Variants in DMD observed in about 807,000 individuals in gnomAD.
The protein encoded by DMD is mutant dystrophin.
A neutral mutation model predicts 330.1 loss-of-function variants in DMD; 63 were observed. The observed-to-expected ratio is 0.19, with a 90% confidence interval of 0.16 to 0.24. The LOEUF is 0.24. Ranked by LOEUF, DMD falls within the 10% of genes least tolerant of loss-of-function variation. DMD has a pLI of 1.00. For missense variants in DMD, 3,344 were observed against 2,684.1 expected, an observed-to-expected ratio of 1.25 and a Z score of -5.43; for synonymous variants, 1,223 against 959.8, an observed-to-expected ratio of 1.27 and a Z score of -5.07.
intron 41 of DMD, among the ~76,000 whole-genome samples, chrX:32,338,928 T>C (rs1016791934): frequency 8.9e-6 from 1 of 112,081 alleles, no homozygotes; most frequent in African/African-American, 3.2e-5. Context: ...TTTGAAATTT[T>C]CACTGAACGA....
intron 11 of DMD, among the ~76,000 whole-genome samples, chrX:32,639,541 C>A (rs1369894241): frequency 3.6e-5 from 4 of 112,281 alleles, no homozygotes; most frequent in African/African-American, 1.3e-4. Flanking sequence ...TCGGCACGTG[C>A]CAAACTCATT....
intron 44 of DMD, chrX:32,155,560 C>CT (rs1478409283): frequency 2.5e-5 from 9 of 357,133 alleles, no homozygotes; most frequent in Non-Finnish European, 3.2e-5. Flanking sequence ...TGAAACTCTG[C>CT]TGGATCATGG....
At chrX:32,497,369 T>TTACTAC (rs1206560150) in intron 19 of DMD, among the ~76,000 whole-genome samples, 1 of 111,947 alleles carries the variant, frequency 8.9e-6, no homozygotes, top group East Asian at 2.8e-4. Context: ...ATACTAATAA[T>TTACTAC]TACTACTTTT....
intron 1 of DMD, among the ~76,000 whole-genome samples, chrX:33,300,799 A>G (rs960695178): frequency 8.9e-6 from 1 of 111,774 alleles, no homozygotes; most frequent in Non-Finnish European, 1.9e-5. Flanking sequence ...GGACTAAGAC[A>G]CTGATTTGGG....
chrX:32,269,693 A>G (rs2097358478), intron 43 of DMD, among the ~76,000 whole-genome samples: 1 of 112,361 alleles, frequency 8.9e-6, no homozygotes, highest in Non-Finnish European at 1.9e-5. Context: ...TATGAAATGT[A>G]AATCTCTTAA....
intron 1 of DMD, among the ~76,000 whole-genome samples, chrX:33,031,423 G>A (rs2094111590): frequency 9.0e-6 from 1 of 111,094 alleles, no homozygotes; most frequent in African/African-American, 3.3e-5. Flanking sequence ...GCTCTCTGTA[G>A]TGGAATTTGG....
rs139610965 is a variant in DMD at position 32,160,970 on chromosome X, G to C, written c.6438+55946C>G. ...AACAATAAATTCCTACTTATGTGGA[G>C]TCTCTGTCTTTTTAATAATAGTCAG... On this transcript the variant is annotated intron_variant, in intron 44 of 78. Coordinates refer to ENST00000357033, the MANE Select transcript of DMD (RefSeq NM_004006.3). Among the ~76,000 whole-genome samples the C allele has an allele frequency of 7.5e-3, 843 of 111,713 alleles. 23 individuals are homozygous for C. The highest frequency in any genetic ancestry group is 0.071 in the Admixed American group (748 of 10,465).
chrX:33,053,949 T>C (rs2094489464), intron 1 of DMD, among the ~76,000 whole-genome samples: 1 of 111,858 alleles, frequency 8.9e-6, no homozygotes, highest in Admixed American at 9.5e-5. Flanking sequence ...AATTCAGATT[T>C]CACTTTTGGG....
chrX:32,126,403 C>A (rs1278655471), intron 44 of DMD, among the ~76,000 whole-genome samples: 1 of 112,006 alleles, frequency 8.9e-6, no homozygotes, highest in Non-Finnish European at 1.9e-5. Context: ...TTTCACGACA[C>A]AAACACCCAC....
At chrX:32,833,996 C>T (rs760726935) in intron 4 of DMD, among the ~76,000 whole-genome samples, 1 of 110,869 alleles carries the variant, frequency 9.0e-6, no homozygotes, top group Non-Finnish European at 1.9e-5. Context: ...GTTATATTAC[C>T]TTGCAACTGA....
intron 44 of DMD, among the ~76,000 whole-genome samples, chrX:32,182,529 C>T (rs2096930672): frequency 9.0e-6 from 1 of 111,126 alleles, no homozygotes; most frequent in Non-Finnish European, 1.9e-5. Flanking sequence ...CCCCCTCCCC[C>T]CAGGTCTGTG....
intron 45 of DMD, among the ~76,000 whole-genome samples, chrX:31,953,326 A>T (rs935988324): frequency 8.9e-6 from 1 of 111,900 alleles, no homozygotes. Flanking sequence ...GCTTCTGGAC[A>T]TGGAGTTTTA....
chrX:31,337,614 A>G (rs910258455), intron 61 of DMD, among the ~76,000 whole-genome samples: 2 of 112,287 alleles, frequency 1.8e-5, no homozygotes, highest in African/African-American at 3.2e-5. Context: ...TTTTGGACAG[A>G]TGACAAAATG....
chrX:33,057,874 G>A (rs1004016468), intron 1 of DMD, among the ~76,000 whole-genome samples: 4 of 108,705 alleles, frequency 3.7e-5, no homozygotes, highest in South Asian at 7.6e-4. Flanking sequence ...TTTGTTTTTT[G>A]TTTGTTTTTT....
intron 59 of DMD, among the ~76,000 whole-genome samples, chrX:31,458,941 C>T (rs769973778): frequency 3.6e-5 from 4 of 111,402 alleles, no homozygotes; most frequent in Admixed American, 9.6e-5. Flanking sequence ...CATAAGCCAA[C>T]GGAGTAATTT....
intron 70 of DMD, 147 bp downstream of exon 70, chrX:31,178,522 A>G (rs772255789): frequency 9.7e-7 from 1 of 1,026,582 alleles, no homozygotes; most frequent in Non-Finnish European, 1.3e-6. Context: ...ACTGGACATC[A>G]GCTTATTTTT....
At chrX:32,745,822 A>T (rs1426289634) in intron 7 of DMD, among the ~76,000 whole-genome samples, 1 of 112,389 alleles carries the variant, frequency 8.9e-6, no homozygotes, top group African/African-American at 3.2e-5. Flanking sequence ...TAATGTAGTC[A>T]TATAGTCGAA....
At chrX:31,413,038 G>T (rs6527086) in intron 60 of DMD, among the ~76,000 whole-genome samples, 19,232 of 110,646 alleles carry the variant, frequency 0.17, 1,683 homozygotes, top group East Asian at 0.59. Context: ...TATAACCATC[G>T]CTATACCTTT....
intron 39 of DMD, among the ~76,000 whole-genome samples, chrX:32,345,006 A>T (rs1051682472): frequency 5.4e-5 from 6 of 111,442 alleles, no homozygotes; most frequent in African/African-American, 1.6e-4. Flanking sequence ...ATATTGTGTA[A>T]TTACATTCTC....
Sources: gnomAD v4.1 joint callset for allele counts (sites outside exome capture counted in the v4.1 genomes callset) on GRCh38, gnomAD v4.1.1 for gene constraint, MANE v1.5 for transcripts, NCBI Gene and HGNC (gene_info 2026-07-23, HGNC 2026-07-21) for gene names.